The following BCR variants were observed in gnomAD, a reference collection of about 807,000 sequenced individuals.
BCR encodes breakpoint cluster region protein.
A neutral mutation model predicts 138.6 loss-of-function variants in BCR; 58 were observed. The ratio of observed to expected loss-of-function variants is 0.42; its 90% CI spans 0.34 to 0.52. The LOEUF (loss-of-function observed/expected upper bound fraction) is 0.52. Ranked by LOEUF, BCR falls within the 20% of genes least tolerant of loss-of-function variation. The pLI is 0.06. For missense variants in BCR, 1,599 were observed against 1,727.2 expected, an observed-to-expected ratio of 0.93 and a Z score of 1.32; for synonymous variants, 786 against 730.1, an observed-to-expected ratio of 1.08 and a Z score of -1.23.
intron 13 of BCR, 151 bp from the exon 14 acceptor site, chr22:23,290,188 G>A: frequency 1.3e-6 from 1 of 755,708 alleles, no homozygotes; most frequent in East Asian, 2.5e-5. Context: ...TGATGAGTAT[G>A]TTTTTGGCCC....
chr22:23,259,967 G>C (rs1344802109), intron 2 of BCR, among the ~76,000 whole-genome samples: 1 of 152,180 alleles, frequency 6.6e-6, no homozygotes, highest in African/African-American at 2.4e-5. Context: ...CAGCCTGAGC[G>C]ACAGAGTGAG....
Position 23,315,666 on chromosome 22 carries a change from G to A in BCR, c.*144G>A, listed in dbSNP as rs2074063358. ...ATCTGCCAAGAGACAGCGACCCAAA[G>A]CCGAAGGACAGGTGGCCTGGAAAGA... On this transcript the variant is annotated 3_prime_UTR_variant, in exon 23 of 23. Coordinates refer to ENST00000305877, the MANE Select transcript of BCR (RefSeq NM_004327.4). 4 of 804,600 alleles carry A rather than the reference G, an allele frequency of 5.0e-6. No homozygotes were observed. In the South Asian group the frequency reaches 5.8e-5, roughly 12 times the overall value. The allele number at this position is 804,600 out of a possible 1,614,324, so 49.8% of individuals were successfully genotyped here. A position where few individuals can be genotyped will look rare whatever the true frequency, so the allele number is the denominator to read the frequency against.
At chr22:23,218,348 G>A (rs550738195) in intron 1 of BCR, among the ~76,000 whole-genome samples, 3 of 152,330 alleles carry the variant, frequency 2.0e-5, no homozygotes, top group South Asian at 2.1e-4. Flanking sequence ...CTAACCCACC[G>A]GGTTTAAACT....
chr22:23,264,291 C>G (rs1243934247), intron 4 of BCR: 1 of 938,976 alleles, frequency 1.1e-6, no homozygotes, highest in African/African-American at 1.6e-5. Context: ...CTGCCTGCAT[C>G]TCACCACCAA....
chr22:23,226,654 T>C (rs2072897967), intron 1 of BCR, among the ~76,000 whole-genome samples: 2 of 152,352 alleles, frequency 1.3e-5, no homozygotes, highest in South Asian at 2.1e-4. Flanking sequence ...CACAGCTTGC[T>C]CATTGGCTTA....
intron 1 of BCR, among the ~76,000 whole-genome samples, chr22:23,243,403 T>A (rs1320565625): frequency 1.3e-5 from 2 of 152,092 alleles, no homozygotes; most frequent in Non-Finnish European, 2.9e-5. Flanking sequence ...GGCCAATGAT[T>A]TAGTCTTGCC....
chr22:23,315,364 A>G (rs1409632597), intron 22 of BCR, 69 bp from the exon 23 acceptor site: 12 of 1,470,282 alleles, frequency 8.2e-6, no homozygotes, highest in Non-Finnish European at 3.8e-6. Context: ...TTGGGCCCCA[A>G]AGACCTCCCA....
In BCR at chr22:23,181,392, C is replaced by T; in HGVS notation, c.432C>T (p.Asp144=). The change falls in exon 1 of 23, where the codon GAC becomes GAT. Residue 144 remains aspartate, a synonymous_variant. Coordinates refer to ENST00000305877, the MANE Select transcript of BCR (RefSeq NM_004327.4). ...PGAAASGERD[D]RGPPASVAAL... ...CAGCCGCGTCGGGGGAACGGGACGA[C>T]CGGGGACCCCCCGCCAGCGTGGCGG... 6.4e-7 allele frequency: 1 copy of T among 1,555,814 alleles called. No individual in the cohort carries two copies. Among genetic ancestry groups the T allele is most frequent in the Non-Finnish European group, 8.7e-7 (1 of 1,152,106 alleles).
At chr22:23,300,770 G>A (rs917512937) in intron 16 of BCR, among the ~76,000 whole-genome samples, 15 of 152,194 alleles carry the variant, frequency 9.9e-5, no homozygotes, top group Non-Finnish European at 1.5e-5. Flanking sequence ...GGAAACTCCA[G>A]CCAGCCAGCC....
intron 1 of BCR, among the ~76,000 whole-genome samples, chr22:23,212,723 G>A (rs1050953671): frequency 1.3e-5 from 2 of 152,178 alleles, no homozygotes; most frequent in Admixed American, 6.5e-5. Context: ...AGCTTCCATG[G>A]GCTGCTCACT....
intron 5 of BCR, 29 bp downstream of exon 5, chr22:23,268,544 G>A (rs2073472218): frequency 2.5e-6 from 4 of 1,579,450 alleles, no homozygotes; most frequent in African/African-American, 1.3e-5. Context: ...TCAGACAGGT[G>A]CACCGCTGAC....
chr22:23,200,834 C>T (rs577703306), intron 1 of BCR, among the ~76,000 whole-genome samples: 2 of 152,178 alleles, frequency 1.3e-5, no homozygotes, highest in South Asian at 4.2e-4. Flanking sequence ...TGCTGGGACT[C>T]CAGGCATGAG....
Position 23,271,580 on chromosome 22 carries a change from A to T in BCR, c.1909A>T (p.Asn637Tyr), listed in dbSNP as rs769601062. 1 of 1,613,990 alleles carries T rather than the reference A, an allele frequency of 6.2e-7. No individual in the cohort carries two copies. Among genetic ancestry groups the T allele is most frequent in the South Asian group, 1.1e-5 (1 of 91,084 alleles). The change falls in exon 6 of 23, where the codon AAC (asparagine) becomes TAC (tyrosine). Residue 637 changes from asparagine (N) to tyrosine (Y), a missense_variant. This residue lies in a region of BCR where 590 missense variants were observed against 762.4 expected (regional missense o/e 0.77). Coordinates refer to ENST00000305877, the MANE Select transcript of BCR (RefSeq NM_004327.4). The stretch of plus-strand genomic sequence containing the variant: ...AGATGCCAAGGATCCAACGACCAAG[A>T]ACTCTCTGGAAAGTGAGTTCTGCAT... ...NKDAKDPTTK[N>Y]SLETLLYKPV...
chr22:23,237,293 A>G (rs2073037670), intron 1 of BCR, among the ~76,000 whole-genome samples: 1 of 152,162 alleles, frequency 6.6e-6, no homozygotes, highest in Non-Finnish European at 1.5e-5. Context: ...AGCTGTGCTC[A>G]TGGAGGCAGG....
In BCR at chr22:23,290,377, A is replaced by G. The variant is rs1251378963; in HGVS notation, c.2746A>G (p.Ile916Val). ...SPGLYGFLNV[I>V]VHSATGFKQS... is the part of the protein sequence containing the mutation. The stretch of plus-strand genomic sequence containing the variant: ...GGGGCTCTATGGGTTTCTGAATGTC[A>G]TCGTCCACTCAGCCACTGGATTTAA... Residue 916 changes from isoleucine to valine, a missense_variant, in exon 14 of 23, where the codon ATC (isoleucine) becomes GTC (valine). Around this residue, in one of 4 missense-constraint regions of BCR, gnomAD observed 590 missense variants for 762.4 expected, o/e 0.77. Coordinates refer to ENST00000305877, the MANE Select transcript of BCR (RefSeq NM_004327.4). 1.9e-6 allele frequency: 3 copies of G among 1,613,984 alleles called. No individual in the cohort carries two copies. Among genetic ancestry groups the G allele is most frequent in the South Asian group, 2.2e-5 (2 of 91,074 alleles).
chr22:23,290,513 C>T (rs1463061126), intron 14 of BCR, 100 bp downstream of exon 14: 2 of 1,218,936 alleles, frequency 1.6e-6, no homozygotes, highest in Non-Finnish European at 2.4e-6. Context: ...GGAGGTTGTT[C>T]AGATGACCAC....
At chr22:23,229,301 T>TTAAA in intron 1 of BCR, among the ~76,000 whole-genome samples, 1 of 152,220 alleles carries the variant, frequency 6.6e-6, no homozygotes, top group Admixed American at 6.5e-5. Flanking sequence ...AATAGCTGCT[T>TTAAA]TAAAGTCTTA....
chr22:23,185,995 C>G (rs1162469988), intron 1 of BCR, among the ~76,000 whole-genome samples: 1 of 101,904 alleles, frequency 9.8e-6, no homozygotes, highest in Non-Finnish European at 1.9e-5. Flanking sequence ...TCCGAAAGTG[C>G]TGGGATTACA....
rs190584029 is a variant in BCR at position 23,181,431 on chromosome 22, C to A, written c.471C>A (p.Asn157Lys). Residue 157 changes from asparagine to lysine, a missense_variant, in exon 1 of 23, where the codon AAC becomes AAA. By Grantham distance (94) the Asn-to-Lys change is moderately conservative. Coordinates refer to ENST00000305877, the MANE Select transcript of BCR (RefSeq NM_004327.4). Reference sequence around the variant, plus strand: ...CCAGCGTGGCGGCGCTCAGGTCCAACTTCGAGCGGATCCGCAAGGGCCATG... The same window carrying A: ...CCAGCGTGGCGGCGCTCAGGTCCAAATTCGAGCGGATCCGCAAGGGCCATG... ...PPASVAALRS[N>K]FERIRKGHGQ... 6.3e-7 allele frequency: 1 copy of A among 1,594,090 alleles called. No homozygotes were observed.
Sources: gnomAD v4.1 joint callset for allele counts (sites outside exome capture counted in the v4.1 genomes callset) on GRCh38, gnomAD v4.1.1 for gene constraint, gnomAD v4.1.1 regional missense constraint, MANE v1.5 for transcripts, NCBI Gene and HGNC (gene_info 2026-07-23, HGNC 2026-07-21) for gene names.